The following SPIN1 variants were observed in gnomAD, a reference collection of about 807,000 sequenced individuals.
The protein encoded by SPIN1 is spindlin 1, also known as spindlin-1.
In SPIN1, 3 loss-of-function variants were observed where a neutral mutation model predicts 26.0. The observed-to-expected ratio is 0.12, with a 90% CI of 0.05 to 0.30. SPIN1 has a LOEUF of 0.30. SPIN1 is among the 10% of genes least tolerant of loss of function. The pLI, the probability that SPIN1 is intolerant of heterozygous loss-of-function variation, is 1.00. For missense variants in SPIN1, 126 were observed against 333.4 expected (o/e 0.38, Z 4.84); for synonymous variants, 101 against 116.5 (o/e 0.87, Z 0.86).
At chr9:88,471,677 A>AAAAAAAAAC (rs1828791020) in intron 5 of SPIN1, among the ~76,000 whole-genome samples, 1 of 151,038 alleles carries the variant, frequency 6.6e-6, no homozygotes, top group Non-Finnish European at 1.5e-5. Context: ...AAAAAAAAAA[A>AAAAAAAAAC]AAGAAAATCA....
At chr9:88,446,571 T>C (rs1347071905) in intron 2 of SPIN1, among the ~76,000 whole-genome samples, 1 of 151,978 alleles carries the variant, frequency 6.6e-6, no homozygotes, top group Non-Finnish European at 1.5e-5. Context: ...CACACCTGGC[T>C]AATTTTTTGT....
intron 5 of SPIN1, among the ~76,000 whole-genome samples, chr9:88,473,305 A>G (rs575674414): frequency 1.3e-5 from 2 of 152,290 alleles, no homozygotes; most frequent in South Asian, 4.2e-4. Context: ...AAGCAGAAGA[A>G]TCACTTGAAC....
intron 2 of SPIN1, among the ~76,000 whole-genome samples, chr9:88,446,150 C>T (rs1828246661): frequency 6.6e-6 from 1 of 152,042 alleles, no homozygotes; most frequent in African/African-American, 2.4e-5. Context: ...TCATGTGTTT[C>T]ATTACTCTGT....
intron 1 of SPIN1, among the ~76,000 whole-genome samples, chr9:88,415,896 A>G (rs956752291): frequency 2.0e-5 from 3 of 148,386 alleles, no homozygotes; most frequent in Admixed American, 2.0e-4. Context: ...GGCGCCAGCC[A>G]CCATGCTCGG....
At chr9:88,449,021 GT>G (rs1828307875) in intron 3 of SPIN1, 32 bp downstream of exon 3, 1 of 1,608,904 alleles carries the variant, frequency 6.2e-7, no homozygotes, top group Admixed American at 1.7e-5. Flanking sequence ...TCTAGATAGT[GT>G]TTTGTGACCT....
At chr9:88,441,882 A>G (rs1420138262) in intron 2 of SPIN1, among the ~76,000 whole-genome samples, 1 of 148,708 alleles carries the variant, frequency 6.7e-6, no homozygotes. Flanking sequence ...ATATGTTGTT[A>G]TATTATTTTC....
chr9:88,429,475 C>T (rs1216558471), intron 2 of SPIN1, among the ~76,000 whole-genome samples: 1 of 152,062 alleles, frequency 6.6e-6, no homozygotes, highest in Non-Finnish European at 1.5e-5. Context: ...AATTAGTTTG[C>T]TAGAGCAACT....
chr9:88,402,644 C>A (rs560175011), intron 1 of SPIN1, among the ~76,000 whole-genome samples: 1 of 151,714 alleles, frequency 6.6e-6, no homozygotes, highest in East Asian at 1.9e-4. Context: ...ACATTTTATT[C>A]TTCTTTCTGG....
At chr9:88,450,183 G>C (rs1277585592) in intron 3 of SPIN1, among the ~76,000 whole-genome samples, 1 of 152,066 alleles carries the variant, frequency 6.6e-6, no homozygotes, top group Non-Finnish European at 1.5e-5. Context: ...TCATTATCAT[G>C]TCATTACTGT....
At chr9:88,467,040 A>ATTGT (rs140242427) in intron 4 of SPIN1, among the ~76,000 whole-genome samples, 445 of 151,930 alleles carry the variant, frequency 2.9e-3, no homozygotes, top group African/African-American at 8.0e-3. Flanking sequence ...CTTGTCTCTA[A>ATTGT]TTGTTTGTTT....
At chr9:88,445,271 A>G (rs1828222975) in intron 2 of SPIN1, among the ~76,000 whole-genome samples, 1 of 151,988 alleles carries the variant, frequency 6.6e-6, no homozygotes. Context: ...TGCTCCAGGA[A>G]TGCTTCAGGT....
intron 1 of SPIN1, among the ~76,000 whole-genome samples, chr9:88,394,595 G>C (rs1274991207): frequency 6.6e-6 from 1 of 152,090 alleles, no homozygotes; most frequent in Non-Finnish European, 1.5e-5. Flanking sequence ...TATAAATGTA[G>C]TTTGAAAATA....
intron 2 of SPIN1, among the ~76,000 whole-genome samples, chr9:88,427,483 A>T (rs1055534846): frequency 1.3e-5 from 2 of 152,170 alleles, no homozygotes; most frequent in Non-Finnish European, 2.9e-5. Flanking sequence ...TTTAAGGTAT[A>T]TGAGAGCTTA....
chr9:88,467,409 T>C (rs2118211767), intron 4 of SPIN1, among the ~76,000 whole-genome samples: 1 of 152,286 alleles, frequency 6.6e-6, no homozygotes, highest in South Asian at 2.1e-4. Flanking sequence ...TAGATCATGG[T>C]GAATGTTATT....
At chr9:88,391,729 C>T (rs1176166439) in intron 1 of SPIN1, 2 of 152,156 alleles carry the variant, frequency 1.3e-5, no homozygotes, top group South Asian at 4.1e-4. Flanking sequence ...TTATTGACAT[C>T]TCTGAGCAGA....
At chr9:88,390,429 T>A (rs1826894578) in intron 1 of SPIN1, among the ~76,000 whole-genome samples, 1 of 152,248 alleles carries the variant, frequency 6.6e-6, no homozygotes, top group African/African-American at 2.4e-5. Flanking sequence ...GCCAGAGGTT[T>A]AGGTGGTTTT....
intron 1 of SPIN1, among the ~76,000 whole-genome samples, chr9:88,399,388 C>T (rs974136065): frequency 8.5e-5 from 13 of 152,078 alleles, no homozygotes; most frequent in Non-Finnish European, 1.5e-4. Flanking sequence ...GTTTGAAGTC[C>T]ACAGGGCAGT....
chr9:88,437,334 C>T (rs1465312581), intron 2 of SPIN1, among the ~76,000 whole-genome samples: 1 of 151,496 alleles, frequency 6.6e-6, no homozygotes, highest in Non-Finnish European at 1.5e-5. Flanking sequence ...CCTATCTCTA[C>T]AAAAAATACA....
chr9:88,416,747 C>A (rs1274390725), intron 1 of SPIN1: 3 of 152,372 alleles, frequency 2.0e-5, no homozygotes, highest in Admixed American at 2.0e-4. Context: ...CCTCAGCCTC[C>A]CGAGTATCTG....
Sources: allele counts gnomAD v4.1 joint callset (sites outside exome capture counted in the v4.1 genomes callset), GRCh38; gene constraint gnomAD v4.1.1; transcripts MANE v1.5; gene names NCBI Gene and HGNC (gene_info 2026-07-23, HGNC 2026-07-21).